SRSF12: variants seen among roughly 807,000 people sequenced by gnomAD.
SRSF12 encodes the protein serine/arginine-rich splicing factor 12.
SRSF12 carries 21 observed loss-of-function variants against 34.1 expected under a neutral mutation model. That is an observed-to-expected ratio of 0.62 (90% confidence interval 0.44 to 0.89). The LOEUF (loss-of-function observed/expected upper bound fraction) is 0.89, where lower values mean the gene tolerates loss of function less well. Ranked by LOEUF, SRSF12 falls within the 40% of genes least tolerant of loss-of-function variation. The pLI is 0.00. For synonymous variants in SRSF12, 111 were observed against 110.8 expected (o/e 1.00, Z -0.01); for missense variants, 278 against 327.8 (o/e 0.85, Z 1.17).
chr6:89,101,001 A>G (rs987405613), intron 4 of SRSF12, among the ~76,000 whole-genome samples: 1 of 151,836 alleles, frequency 6.6e-6, no homozygotes, highest in African/African-American at 2.4e-5. Flanking sequence ...GCTACTTAGG[A>G]GGCTGAGGCA....
At chr6:89,100,103 CA>C (rs2127990153) in intron 4 of SRSF12, among the ~76,000 whole-genome samples, 1 of 152,028 alleles carries the variant, frequency 6.6e-6, no homozygotes, top group Non-Finnish European at 1.5e-5. Context: ...AATTAGAGAC[CA>C]AAAAGTACCT....
chr6:89,097,061 G>A lies in SRSF12; in HGVS notation c.*1517C>T, dbSNP rs370100049. On this transcript the variant is annotated 3_prime_UTR_variant, in exon 5 of 5. Coordinates refer to ENST00000452027, the MANE Select transcript of SRSF12 (RefSeq NM_080743.5). Reference sequence around the variant, plus strand: ...TATGGCACTTGTCCAAATATTACCAGCATACAAATTATTGTTTAAGGTTGT... The same window carrying A: ...TATGGCACTTGTCCAAATATTACCAACATACAAATTATTGTTTAAGGTTGT... 12 of 152,168 alleles carry A rather than the reference G, an allele frequency of 7.9e-5. No individual in the cohort carries two copies. The highest frequency in any genetic ancestry group is 1.7e-4 in the African/African-American group (7 of 41,526). 9.4% of individuals were successfully genotyped at this position (152,168 alleles called of 1,614,324 possible).
At chr6:89,099,422 ATATG>A (rs1768412616) in intron 4 of SRSF12, among the ~76,000 whole-genome samples, 1 of 139,588 alleles carries the variant, frequency 7.2e-6, no homozygotes, top group Admixed American at 7.2e-5. Context: ...ATACATATAT[ATATG>A]TGTGTATATA....
intron 1 of SRSF12, among the ~76,000 whole-genome samples, chr6:89,113,536 T>A (rs1769152106): frequency 6.6e-6 from 1 of 152,150 alleles, no homozygotes; most frequent in Non-Finnish European, 1.5e-5. Flanking sequence ...CTCGAACTCC[T>A]GACCTCAAGT....
At position 89,105,071 on chromosome 6, in the gene SRSF12, T is replaced by C. The variant is rs754288408; in HGVS notation, c.416+48A>G. 3.3e-6 allele frequency: 5 copies of C among 1,532,500 alleles called. No homozygotes were observed. In the South Asian group the frequency reaches 6.2e-5, roughly 19 times the overall value. 94.9% of individuals were successfully genotyped at this position (1,532,500 alleles called of 1,614,324 possible). A position where few individuals can be genotyped will look rare whatever the true frequency, so the allele number is the denominator to read the frequency against. ...ACCCTATCAAAAAAATATATATCTA[T>C]TTCCCAGAAAAAGTAGAAAATGAAA... On this transcript the variant is annotated intron_variant, in intron 4 of 4. Transcript: ENST00000452027.
intron 1 of SRSF12, among the ~76,000 whole-genome samples, chr6:89,116,977 T>TG (rs1562212907): frequency 6.7e-6 from 1 of 149,812 alleles, no homozygotes; most frequent in Admixed American, 6.6e-5. Context: ...GTAGAAAGGC[T>TG]GGGGGGAAGT....
Position 89,099,902 on chromosome 6 carries a change from T to C in SRSF12, c.417-955A>G, listed in dbSNP as rs543444168. ...ACTGTTCGAAGGCACTGGAGGATAA[T>C]CAACACAAGCAGGAAGAACCTGAGG... is the stretch of plus-strand genomic sequence containing the variant. On this transcript the variant is annotated intron_variant, in intron 4 of 4. Coordinates refer to ENST00000452027, the MANE Select transcript of SRSF12 (RefSeq NM_080743.5). 1.2e-4 allele frequency among the ~76,000 whole-genome samples: 19 copies of C among 152,204 alleles called. No individual in the cohort carries two copies. The South Asian group carries it at 1.7e-3, about 13-fold the overall frequency.
chr6:89,099,001 G>A, intron 4 of SRSF12, 54 bp from the exon 5 acceptor site: 1 of 1,518,316 alleles, frequency 6.6e-7, no homozygotes. Context: ...AAGAGATCAG[G>A]AAATAACACT....
chr6:89,117,954 C>G lies in SRSF12; in HGVS notation c.-67G>C. 1 of 1,486,974 alleles carries G rather than the reference C, an allele frequency of 6.7e-7. No individual in the cohort carries two copies. The highest frequency in any genetic ancestry group is 9.0e-7 in the Non-Finnish European group (1 of 1,108,590). 92.1% of individuals were successfully genotyped at this position (1,486,974 alleles called of 1,614,324 possible). ...GGACTCGCTCCGTCTCCCGCTACCG[C>G]TGCTACCACCACAGGAGCTCCGCCG... On this transcript the variant is annotated 5_prime_UTR_variant, in exon 1 of 5. Coordinates refer to ENST00000452027, the MANE Select transcript of SRSF12 (RefSeq NM_080743.5).
At chr6:89,117,500 G>T (rs1017724982) in intron 1 of SRSF12, among the ~76,000 whole-genome samples, 1 of 152,212 alleles carries the variant, frequency 6.6e-6, no homozygotes, top group African/African-American at 2.4e-5. Context: ...TCCCGGCGGG[G>T]AGCGACCTGA....
chr6:89,099,439 T>TAC (rs1372208614), intron 4 of SRSF12, among the ~76,000 whole-genome samples: 3 of 127,468 alleles, frequency 2.4e-5, no homozygotes, highest in East Asian at 4.4e-4. Flanking sequence ...TGTATATATA[T>TAC]ACACATATAT....
intron 4 of SRSF12, among the ~76,000 whole-genome samples, chr6:89,100,917 T>C (rs546563703): frequency 6.6e-6 from 1 of 151,992 alleles, no homozygotes; most frequent in South Asian, 2.1e-4. Context: ...CCAGCCTGAC[T>C]AACATGGTGA....
At chr6:89,100,037 A>T (rs1267930048) in intron 4 of SRSF12, among the ~76,000 whole-genome samples, 2 of 152,168 alleles carry the variant, frequency 1.3e-5, no homozygotes, top group Non-Finnish European at 2.9e-5. Context: ...AGAAAAGTTA[A>T]TTCAGGGCTA....
At chr6:89,114,060 C>T (rs1769179905) in intron 1 of SRSF12, among the ~76,000 whole-genome samples, 1 of 152,192 alleles carries the variant, frequency 6.6e-6, no homozygotes, top group Non-Finnish European at 1.5e-5. Flanking sequence ...TTCATATCAT[C>T]ACTCACCTGC....
chr6:89,099,511 T>G (rs1301980677), intron 4 of SRSF12, among the ~76,000 whole-genome samples: 1 of 52,650 alleles, frequency 1.9e-5, no homozygotes, highest in African/African-American at 1.5e-4. Flanking sequence ...TGTGTATATA[T>G]ATATACACAC....
chr6:89,114,999 T>C (rs1256570159), intron 1 of SRSF12, among the ~76,000 whole-genome samples: 1 of 152,170 alleles, frequency 6.6e-6, no homozygotes, highest in Non-Finnish European at 1.5e-5. Context: ...TGTTTTACCA[T>C]GTTGGCCAGG....
chr6:89,108,704 C>T (rs1768905966), intron 1 of SRSF12, among the ~76,000 whole-genome samples: 1 of 152,142 alleles, frequency 6.6e-6, no homozygotes, highest in Admixed American at 6.6e-5. Context: ...AAAGAAGCAA[C>T]TTTCAGGTTT....
chr6:89,102,225 CCT>C (rs1485028630), intron 4 of SRSF12, among the ~76,000 whole-genome samples: 1 of 151,916 alleles, frequency 6.6e-6, no homozygotes, highest in African/African-American at 2.4e-5. Context: ...CTCACTGCAA[CCT>C]CTGTCTCCCG....
chr6:89,117,686 C>G, intron 1 of SRSF12, 137 bp downstream of exon 1: 1 of 827,178 alleles, frequency 1.2e-6, no homozygotes, highest in Non-Finnish European at 1.7e-6. Flanking sequence ...CACACCTCCC[C>G]AAGTGGCGCA....
Sources: allele counts gnomAD v4.1 joint callset (sites outside exome capture counted in the v4.1 genomes callset), GRCh38; gene constraint gnomAD v4.1.1; transcripts MANE v1.5; gene names NCBI Gene and HGNC (gene_info 2026-07-23, HGNC 2026-07-21).